Variants in ADAT2 observed in about 807,000 individuals in gnomAD.
ADAT2 encodes tRNA-specific adenosine-34 deaminase catalytic subunit ADAT2.
A neutral mutation model predicts 25.9 loss-of-function variants in ADAT2; 26 were observed. That is an observed-to-expected ratio of 1.00 (90% confidence interval 0.74 to 1.39). The LOEUF is 1.39. Ranked by LOEUF, ADAT2 falls within the 40% of genes most tolerant of loss-of-function variation. ADAT2 has a pLI of 0.00. For missense variants in ADAT2, 220 were observed against 244.8 expected (o/e 0.90, Z 0.68); for synonymous variants, 76 against 86.8 (o/e 0.88, Z 0.69).
rs926915582 is a variant in ADAT2 at position 143,440,600 on chromosome 6, G to A, written c.97-1906C>T. ...CTATTTTATGAACTATCCACAGGCC[G>A]GTTGTGTCCCAGTTCTGTGACAGTG... On this transcript the variant is annotated intron_variant, in intron 1 of 5. Transcript: ENST00000237283. This position sits in a 1 kb window ranked among gnomAD's most constrained non-coding sequence, Gnocchi z 4.5. Among the ~76,000 whole-genome samples, 8 of 152,142 alleles carry A rather than the reference G, an allele frequency of 5.3e-5. No homozygotes were observed. The highest frequency in any genetic ancestry group is 4.6e-4 in the Admixed American group (7 of 15,258).
rs1491239461 is a variant in ADAT2 at position 143,427,095 on chromosome 6, A to AC, written c.*1367_*1368insG. On this transcript the variant is annotated 3_prime_UTR_variant, in exon 6 of 6. Coordinates refer to ENST00000237283, the MANE Select transcript of ADAT2 (RefSeq NM_182503.3). ...TCCATAAAACTTTTCAAATGCAGTT[A>AC]AACACACACACACACACACACACAC... The AC allele has an allele frequency of 6.0e-5, 7 of 116,666 alleles. No homozygotes were observed. The highest frequency in any genetic ancestry group is 7.0e-5 in the African/African-American group (2 of 28,622). The allele number at this position is 116,666 out of a possible 1,614,324, so 7.2% of individuals were successfully genotyped here. A position where few individuals can be genotyped will look rare whatever the true frequency, so the allele number is the denominator to read the frequency against.
intron 1 of ADAT2, among the ~76,000 whole-genome samples, chr6:143,439,381 T>C (rs1179474676): frequency 7.1e-6 from 1 of 139,932 alleles, no homozygotes; most frequent in African/African-American, 2.6e-5. Flanking sequence ...AAAGAAAGTT[T>C]GAAAAAGAAC....
At position 143,434,479 on chromosome 6, in the gene ADAT2, G is replaced by C. The variant is rs141396037; in HGVS notation, c.202-498C>G. On this transcript the variant is annotated intron_variant, in intron 2 of 5. Transcript: ENST00000237283. This position sits in a 1 kb window ranked among gnomAD's most constrained non-coding sequence, Gnocchi z 4.5. ...AGGTTTTATATACTGGAAGACTCTAGAGAAGTAGAGATTTGGTATTGGTTT... is the reference window on the plus strand; with the variant it reads ...AGGTTTTATATACTGGAAGACTCTACAGAAGTAGAGATTTGGTATTGGTTT... 0.018 allele frequency among the ~76,000 whole-genome samples: 2,670 copies of C among 152,280 alleles called. 104 individuals are homozygous for C. Among genetic ancestry groups the C allele is most frequent in the Admixed American group, 0.073 (1,112 of 15,298 alleles).
chr6:143,428,597 C>A lies in ADAT2; in HGVS notation c.532+15G>T. On this transcript the variant is annotated intron_variant, in intron 5 of 5. Transcript: ENST00000237283. This position sits in a 1 kb window ranked among gnomAD's most constrained non-coding sequence, Gnocchi z 5.0. ...GGATTTAAGGGAAGGACATTATCCA[C>A]AACAGAAAACTGACCATTTGGATTT... The A allele has an allele frequency of 6.2e-7, 1 of 1,613,768 alleles. No homozygotes were observed. Among genetic ancestry groups the A allele is most frequent in the African/African-American group, 1.3e-5 (1 of 75,050 alleles).
At chr6:143,430,645 G>GTA (rs1779081490) in intron 4 of ADAT2, among the ~76,000 whole-genome samples, 1 of 151,668 alleles carries the variant, frequency 6.6e-6, no homozygotes, top group Non-Finnish European at 1.5e-5. Flanking sequence ...CACTCACTGC[G>GTA]AGCTCTGCCT....
chr6:143,438,779 A>T, intron 1 of ADAT2, 85 bp from the exon 2 acceptor site: 1 of 1,093,820 alleles, frequency 9.1e-7, no homozygotes, highest in Non-Finnish European at 1.4e-6. Context: ...CATGAACAAG[A>T]TACACATGTA....
chr6:143,449,806 G>A (rs892294910), intron 1 of ADAT2: 4 of 152,188 alleles, frequency 2.6e-5, no homozygotes, highest in Admixed American at 6.6e-5. Context: ...AGAAACTAGG[G>A]TTGTCTACCT....
In ADAT2 at chr6:143,426,766, G is replaced by T. The variant is rs537720276; in HGVS notation, c.*1697C>A. The T allele has an allele frequency of 1.3e-5, 2 of 152,014 alleles. No homozygotes were observed. The highest frequency in any genetic ancestry group is 2.9e-5 in the Non-Finnish European group (2 of 68,016). 9.4% of individuals were successfully genotyped at this position (152,014 alleles called of 1,614,324 possible). ...AAATTTCAATCAGTAATTTCATTTAGCAAATGTTTACCAAGAACCTACTGG... is the reference window on the plus strand; with the variant it reads ...AAATTTCAATCAGTAATTTCATTTATCAAATGTTTACCAAGAACCTACTGG... On this transcript the variant is annotated 3_prime_UTR_variant, in exon 6 of 6. Transcript: ENST00000237283. This position sits in a 1 kb window ranked among gnomAD's most constrained non-coding sequence, Gnocchi z 4.1.
chr6:143,423,750 G>A lies in ADAT2; in HGVS notation c.*4713C>T, dbSNP rs1206598938. 5 of 152,300 alleles carry A rather than the reference G, an allele frequency of 3.3e-5. No homozygotes were observed. Among genetic ancestry groups the A allele is most frequent in the Non-Finnish European group, 7.3e-5 (5 of 68,028 alleles). 9.4% of individuals were successfully genotyped at this position (152,300 alleles called of 1,614,324 possible). On this transcript the variant is annotated 3_prime_UTR_variant, in exon 6 of 6. Coordinates refer to ENST00000237283, the MANE Select transcript of ADAT2 (RefSeq NM_182503.3). ...GCAAAATGAACTTAACAGGCTTCTC[G>A]TTGAAGGGAGGCCAAGGACTTACAC...
chr6:143,450,474 CGAGA>C (rs1270744743), intron 1 of ADAT2, 85 bp downstream of exon 1: 3 of 1,395,918 alleles, frequency 2.1e-6, no homozygotes, highest in Admixed American at 3.5e-5. Flanking sequence ...ATTATGGTGA[CGAGA>C]AAGAACGTTT....
At chr6:143,431,866 C>A (rs1339194995) in intron 4 of ADAT2, among the ~76,000 whole-genome samples, 1 of 152,170 alleles carries the variant, frequency 6.6e-6, no homozygotes, top group African/African-American at 2.4e-5. Flanking sequence ...ACAGGCCAAA[C>A]TCTGAAATAC....
At chr6:143,448,068 TA>T (rs938530158) in intron 1 of ADAT2, among the ~76,000 whole-genome samples, 2 of 152,132 alleles carry the variant, frequency 1.3e-5, no homozygotes, top group African/African-American at 4.8e-5. Context: ...TATGCAGCCA[TA>T]AAAAAGGATG....
In ADAT2 at chr6:143,425,625, G is replaced by A. The variant is rs1778908128; in HGVS notation, c.*2838C>T. 6.6e-6 allele frequency: 1 copy of A among 151,990 alleles called. No homozygotes were observed. The highest frequency in any genetic ancestry group is 2.4e-5 in the African/African-American group (1 of 41,318). 9.4% of individuals were successfully genotyped at this position (151,990 alleles called of 1,614,324 possible). A position where few individuals can be genotyped will look rare whatever the true frequency, so the allele number is the denominator to read the frequency against. ...TTTACAGGACATTATTGGGTCAGCTGACAAAACTGTAATACAAATGATAGA... is the reference window on the plus strand; with the variant it reads ...TTTACAGGACATTATTGGGTCAGCTAACAAAACTGTAATACAAATGATAGA... On this transcript the variant is annotated 3_prime_UTR_variant, in exon 6 of 6. Coordinates refer to ENST00000237283, the MANE Select transcript of ADAT2 (RefSeq NM_182503.3).
Position 143,446,606 on chromosome 6 carries a change from A to G in ADAT2, c.96+3957T>C, listed in dbSNP as rs940221121. Among the ~76,000 whole-genome samples, 3 of 152,200 alleles carry G rather than the reference A, an allele frequency of 2.0e-5. No homozygotes were observed. Among genetic ancestry groups the G allele is most frequent in the African/African-American group, 7.2e-5 (3 of 41,456 alleles). On this transcript the variant is annotated intron_variant, in intron 1 of 5. Coordinates refer to ENST00000237283, the MANE Select transcript of ADAT2 (RefSeq NM_182503.3). This position sits in a 1 kb window ranked among gnomAD's most constrained non-coding sequence, Gnocchi z 5.0. ...AATGTTCAATTAAATTACACAGTAG[A>G]TACACAGTATTCAGGTAAAGAAACT... is the stretch of plus-strand genomic sequence containing the variant.
At chr6:143,438,481 G>T in intron 2 of ADAT2, 109 bp downstream of exon 2, 1 of 651,546 alleles carries the variant, frequency 1.5e-6, no homozygotes. Context: ...CCCACCACTG[G>T]CAGCTACGGG....
chr6:143,443,500 C>T (rs147787981), intron 1 of ADAT2, among the ~76,000 whole-genome samples: 2 of 152,194 alleles, frequency 1.3e-5, no homozygotes, highest in East Asian at 1.9e-4. Context: ...CACTACACTC[C>T]AGCCTGGGTA....
At position 143,444,252 on chromosome 6, in the gene ADAT2, G is replaced by A. The variant is rs187278992; in HGVS notation, c.97-5558C>T. On this transcript the variant is annotated intron_variant, in intron 1 of 5. Transcript: ENST00000237283. The surrounding 1 kb of genome is among the most constrained non-coding windows in gnomAD (Gnocchi z 4.3). ...AAACAGAGAGCAAATATGAGCGATC[G>A]GAATATTTTAAAAGGACAAATAACG... Among the ~76,000 whole-genome samples the A allele has an allele frequency of 5.9e-5, 9 of 152,162 alleles. No homozygotes were observed. The highest frequency in any genetic ancestry group is 2.0e-4 in the Admixed American group (3 of 15,286).
rs1554276887 is a variant in ADAT2 at position 143,424,119 on chromosome 6, T to TTA, written c.*4343_*4344insTA. ...AAAGATGTCAAACTTTCAGCAGAACTCACCAGTCTAATCCATAAAAATCAC... is the reference window on the plus strand; with the variant it reads ...AAAGATGTCAAACTTTCAGCAGAACTTACACCAGTCTAATCCATAAAAATCAC... On this transcript the variant is annotated 3_prime_UTR_variant, in exon 6 of 6. Transcript: ENST00000237283. This position sits in a 1 kb window ranked among gnomAD's most constrained non-coding sequence, Gnocchi z 4.8. 0.28 allele frequency: 42,617 copies of TTA among 152,054 alleles called. 6,213 individuals are homozygous for TTA. The highest frequency in any genetic ancestry group is 0.32 in the Admixed American group (4,863 of 15,272). 9.4% of individuals were successfully genotyped at this position (152,054 alleles called of 1,614,324 possible). A position where few individuals can be genotyped will look rare whatever the true frequency, so the allele number is the denominator to read the frequency against.
rs539340639 is a variant in ADAT2, at chr6:143,440,410, T to G, written c.97-1716A>C. Among the ~76,000 whole-genome samples, 1 of 152,190 alleles carries G rather than the reference T, an allele frequency of 6.6e-6. No individual in the cohort carries two copies. The highest frequency in any genetic ancestry group is 6.5e-5 in the Admixed American group (1 of 15,278). On this transcript the variant is annotated intron_variant, in intron 1 of 5. Coordinates refer to ENST00000237283, the MANE Select transcript of ADAT2 (RefSeq NM_182503.3). This position sits in a 1 kb window ranked among gnomAD's most constrained non-coding sequence, Gnocchi z 4.5. ...AGGATTTCCTCAGTTATTCCCACCATGTTCAACGGACACTTATTCTTCATT... is the reference window on the plus strand; with the variant it reads ...AGGATTTCCTCAGTTATTCCCACCAGGTTCAACGGACACTTATTCTTCATT...
Sources: gnomAD v4.1 joint callset for allele counts (sites outside exome capture counted in the v4.1 genomes callset) on GRCh38, gnomAD v4.1.1 for gene constraint, Gnocchi (gnomAD v3.1) non-coding constraint, MANE v1.5 for transcripts, NCBI Gene and HGNC (gene_info 2026-07-23, HGNC 2026-07-21) for gene names.